Variants in AJAP1 observed in about 807,000 individuals in gnomAD.
The protein encoded by AJAP1 is adherens junction-associated protein 1.
In AJAP1, 5 loss-of-function variants were observed where a neutral mutation model predicts 35.0. The ratio of observed to expected loss-of-function variants is 0.14; its 90% CI spans 0.07 to 0.30. The LOEUF is 0.30. AJAP1 is among the 10% of genes least tolerant of loss of function. The probability of loss-of-function intolerance (pLI) is 1.00; values close to 1 mark genes in which losing one functional copy is unlikely to be tolerated. For synonymous variants in AJAP1, 284 were observed against 249.3 expected, an observed-to-expected ratio of 1.14 and a Z score of -1.31; for missense variants, 586 against 571.0, an observed-to-expected ratio of 1.03 and a Z score of -0.27.
At chr1:4,730,841 A>T (rs1259666973) in intron 2 of AJAP1, among the ~76,000 whole-genome samples, 1 of 152,092 alleles carries the variant, frequency 6.6e-6, no homozygotes. Context: ...CCCTTCCTGC[A>T]CTTGGTGCTC....
intron 1 of AJAP1, among the ~76,000 whole-genome samples, chr1:4,707,974 G>GT (rs765313378): frequency 0.36 from 48,735 of 134,480 alleles, 9,129 homozygotes; most frequent in Admixed American, 0.45. Flanking sequence ...TTTTTTTTTT[G>GT]TTTTTTTTTT....
chr1:4,765,565 G>A (rs1392241456), intron 2 of AJAP1, among the ~76,000 whole-genome samples: 1 of 152,142 alleles, frequency 6.6e-6, no homozygotes, highest in Admixed American at 6.5e-5. Flanking sequence ...CATAGTGTGG[G>A]AAAAGTCCTT....
chr1:4,779,640 C>T (rs1182208363), intron 5 of AJAP1, among the ~76,000 whole-genome samples: 1 of 152,060 alleles, frequency 6.6e-6, no homozygotes, highest in Admixed American at 6.5e-5. Flanking sequence ...ATATGACTTA[C>T]GGTCCAACCC....
At chr1:4,736,242 C>T (rs1278580447) in intron 2 of AJAP1, among the ~76,000 whole-genome samples, 2 of 152,236 alleles carry the variant, frequency 1.3e-5, no homozygotes, top group Admixed American at 6.5e-5. Flanking sequence ...TGTTGCCCCT[C>T]GCCTGCTCAA....
chr1:4,772,815 C>T (rs1459939779), intron 4 of AJAP1, among the ~76,000 whole-genome samples: 2 of 152,188 alleles, frequency 1.3e-5, no homozygotes, highest in Admixed American at 1.3e-4. Context: ...CGCTCTGAAC[C>T]GTCATCCTTC....
chr1:4,731,533 A>G (rs1324094837), intron 2 of AJAP1, among the ~76,000 whole-genome samples: 1 of 152,202 alleles, frequency 6.6e-6, no homozygotes, highest in Non-Finnish European at 1.5e-5. Context: ...TTTGCGTGAC[A>G]GGTAAGAAAG....
chr1:4,758,079 T>C (rs1641474427), intron 2 of AJAP1, among the ~76,000 whole-genome samples: 1 of 152,216 alleles, frequency 6.6e-6, no homozygotes, highest in African/African-American at 2.4e-5. Flanking sequence ...TGCCGCCATG[T>C]GAAGAAGGAC....
chr1:4,722,357 G>A (rs773469601), intron 2 of AJAP1, among the ~76,000 whole-genome samples: 5 of 152,186 alleles, frequency 3.3e-5, no homozygotes, highest in Non-Finnish European at 7.3e-5. Context: ...GTGCACGGCA[G>A]GACCTGTGGC....
At chr1:4,706,825 TTC>T (rs1479332206) in intron 1 of AJAP1, among the ~76,000 whole-genome samples, 1 of 152,166 alleles carries the variant, frequency 6.6e-6, no homozygotes, top group African/African-American at 2.4e-5. Context: ...TATTAAACTG[TTC>T]TTCGGGAAAA....
At chr1:4,678,041 G>A (rs939674952) in intron 1 of AJAP1, among the ~76,000 whole-genome samples, 43 of 152,208 alleles carry the variant, frequency 2.8e-4, no homozygotes, top group African/African-American at 1.0e-3. Flanking sequence ...GTGGGTTGAT[G>A]CATTTCCCAC....
intron 4 of AJAP1, 147 bp from the exon 5 acceptor site, chr1:4,774,280 G>A (rs1221946753): frequency 1.2e-5 from 8 of 679,460 alleles, no homozygotes; most frequent in South Asian, 3.6e-5. Flanking sequence ...AATGTGGGGG[G>A]TGGTCCCTTC....
At chr1:4,749,440 T>C (rs1039596086) in intron 2 of AJAP1, among the ~76,000 whole-genome samples, 2 of 152,240 alleles carry the variant, frequency 1.3e-5, no homozygotes, top group Non-Finnish European at 2.9e-5. Flanking sequence ...CGAGACGCTA[T>C]GGCCCCAGAT....
intron 1 of AJAP1, among the ~76,000 whole-genome samples, chr1:4,671,485 C>T (rs1259867130): frequency 6.6e-6 from 1 of 152,032 alleles, no homozygotes; most frequent in Non-Finnish European, 1.5e-5. Flanking sequence ...GAGCCCAGGG[C>T]CCTGTGGTCT....
At chr1:4,663,063 G>A (rs1398503064) in intron 1 of AJAP1, among the ~76,000 whole-genome samples, 1 of 152,218 alleles carries the variant, frequency 6.6e-6, no homozygotes, top group East Asian at 1.9e-4. Context: ...CAGGGGGGCA[G>A]TGGGGCCAGT....
At chr1:4,751,126 C>A (rs1641311807) in intron 2 of AJAP1, among the ~76,000 whole-genome samples, 1 of 152,044 alleles carries the variant, frequency 6.6e-6, no homozygotes. Context: ...CCTTGGGAAC[C>A]TACCTGGACA....
rs1463454214 is a variant in AJAP1 at position 4,720,313 on chromosome 1, C to T, written c.829+7614C>T. 2.6e-5 allele frequency among the ~76,000 whole-genome samples: 4 copies of T among 152,236 alleles called. No individual in the cohort carries two copies. The highest frequency in any genetic ancestry group is 2.1e-4 in the South Asian group (1 of 4,818). On this transcript the variant is annotated intron_variant, in intron 2 of 5. Transcript: ENST00000378191. The surrounding 1 kb of genome is among the most constrained non-coding windows in gnomAD (Gnocchi z 4.4). ...GTCCGCCTTGCAGTCTGTGTAAGGA[C>T]GTGATGATGCAAAATAAAGGGAAAA...
chr1:4,663,698 G>GCTGGTGTTGGGAGCAGAGA (rs60584333), intron 1 of AJAP1, among the ~76,000 whole-genome samples: 1,520 of 151,760 alleles, frequency 0.01, 28 homozygotes, highest in African/African-American at 0.034. Context: ...CAAGTTGTTA[G>GCTGGTGTTGGGAGCAGAGA]CTGCCCAGAC....
intron 1 of AJAP1, among the ~76,000 whole-genome samples, chr1:4,698,605 C>A (rs895229598): frequency 1.3e-5 from 2 of 152,176 alleles, no homozygotes; most frequent in African/African-American, 2.4e-5. Flanking sequence ...CTCAGTCAAC[C>A]ACAGGGCCTC....
Position 4,720,120 on chromosome 1 carries a change from G to A in AJAP1, c.829+7421G>A, listed in dbSNP as rs114052279. Among the ~76,000 whole-genome samples, 1,043 of 152,260 alleles carry A rather than the reference G, an allele frequency of 6.9e-3. 12 individuals are homozygous for A. The highest frequency in any genetic ancestry group is 0.022 in the African/African-American group (930 of 41,550). On this transcript the variant is annotated intron_variant, in intron 2 of 5. Transcript: ENST00000378191. The surrounding 1 kb of genome is among the most constrained non-coding windows in gnomAD (Gnocchi z 4.4). ...TTGCAGCAGATAAGTTCCAAGTGAC[G>A]TTTGAGGGCTCCCCAGGTGGTCACT...
Sources: gnomAD v4.1 joint callset for allele counts (sites outside exome capture counted in the v4.1 genomes callset) on GRCh38, gnomAD v4.1.1 for gene constraint, Gnocchi (gnomAD v3.1) non-coding constraint, MANE v1.5 for transcripts, NCBI Gene and HGNC (gene_info 2026-07-23, HGNC 2026-07-21) for gene names.